WDFY4: variants seen among roughly 807,000 people sequenced by gnomAD.
The protein encoded by WDFY4 is WDFY family member 4, also known as WD repeat- and FYVE domain-containing protein 4.
In WDFY4, 169 loss-of-function variants were observed where a neutral mutation model predicts 351.9. That is an observed-to-expected ratio of 0.48 (90% confidence interval 0.42 to 0.55). The LOEUF (loss-of-function observed/expected upper bound fraction) is 0.55, where lower values mean the gene tolerates loss of function less well. Ranked by LOEUF, WDFY4 falls within the 20% of genes least tolerant of loss-of-function variation. The probability of loss-of-function intolerance (pLI) is 0.00; values close to 1 mark genes in which losing one functional copy is unlikely to be tolerated. For synonymous variants in WDFY4, 1,622 were observed against 1,574.6 expected, an observed-to-expected ratio of 1.03 and a Z score of -0.71; for missense variants, 3,803 against 3,935.6, an observed-to-expected ratio of 0.97 and a Z score of 0.90.
chr10:48,854,352 G>A (rs1038943853), intron 39 of WDFY4, among the ~76,000 whole-genome samples: 12 of 152,076 alleles, frequency 7.9e-5, no homozygotes, highest in East Asian at 1.9e-4. Context: ...CCAGCGATCC[G>A]CCCACCTCGG....
intron 1 of WDFY4, among the ~76,000 whole-genome samples, chr10:48,706,428 G>A (rs945115303): frequency 1.9e-4 from 29 of 152,156 alleles, no homozygotes; most frequent in Admixed American, 1.7e-3. Context: ...AGCTCTGCAG[G>A]AGACCGAGCC....
At chr10:48,919,721 C>A (rs957671316) in intron 47 of WDFY4, among the ~76,000 whole-genome samples, 1 of 152,202 alleles carries the variant, frequency 6.6e-6, no homozygotes, top group African/African-American at 2.4e-5. Context: ...GAAGTCTCCA[C>A]CCTCAAGATC....
chr10:48,934,995 C>T (rs1840265977), intron 47 of WDFY4, among the ~76,000 whole-genome samples: 1 of 152,172 alleles, frequency 6.6e-6, no homozygotes, highest in Non-Finnish European at 1.5e-5. Flanking sequence ...GCTTCCTCCT[C>T]TCCTAAATAA....
chr10:48,960,970 G>T (rs538347017), intron 53 of WDFY4, among the ~76,000 whole-genome samples: 28 of 152,336 alleles, frequency 1.8e-4, no homozygotes, highest in African/African-American at 6.7e-4. Context: ...TTTTTGAGCC[G>T]AGGGAAACGT....
intron 39 of WDFY4, among the ~76,000 whole-genome samples, chr10:48,860,292 C>T (rs928490349): frequency 2.0e-5 from 3 of 152,188 alleles, no homozygotes; most frequent in East Asian, 3.8e-4. Flanking sequence ...TCAGCTCAGG[C>T]TGCTATTACA....
chr10:48,776,586 C>G (rs1008491166), intron 15 of WDFY4, among the ~76,000 whole-genome samples, 164 bp from the exon 16 acceptor site: 4 of 152,186 alleles, frequency 2.6e-5, no homozygotes, highest in African/African-American at 9.7e-5. Flanking sequence ...GCAGGGGGCC[C>G]GGGCTGGGGG....
chr10:48,727,693 G>A, intron 7 of WDFY4, 34 bp downstream of exon 7: 1 of 1,548,452 alleles, frequency 6.5e-7, no homozygotes, highest in Non-Finnish European at 8.7e-7. Context: ...GGAGAGCACA[G>A]GACCACCAAA....
intron 47 of WDFY4, among the ~76,000 whole-genome samples, chr10:48,926,626 C>T (rs532958994): frequency 6.6e-5 from 10 of 152,270 alleles, no homozygotes; most frequent in African/African-American, 2.2e-4. Flanking sequence ...ACTCCACTGT[C>T]CAGGGGCCAA....
At chr10:48,718,274 G>A (rs955133562) in intron 2 of WDFY4, among the ~76,000 whole-genome samples, 18 of 151,954 alleles carry the variant, frequency 1.2e-4, no homozygotes, top group South Asian at 8.3e-4. Flanking sequence ...TCAGTGGCAC[G>A]CATTGTGAAT....
At chr10:48,727,707 T>G in intron 7 of WDFY4, 48 bp downstream of exon 7, 1 of 1,540,448 alleles carries the variant, frequency 6.5e-7, no homozygotes, top group Middle Eastern at 1.7e-4. Context: ...CACCAAAGCC[T>G]TAGTCCTCAG....
intron 45 of WDFY4, 29 bp from the exon 46 acceptor site, chr10:48,900,192 G>A: frequency 1.3e-6 from 2 of 1,544,260 alleles, no homozygotes; most frequent in Non-Finnish European, 1.7e-6. Flanking sequence ...CAAAATATCA[G>A]GAGCATTAAA....
At chr10:48,842,135 G>A (rs989002890) in intron 39 of WDFY4, among the ~76,000 whole-genome samples, 1 of 151,902 alleles carries the variant, frequency 6.6e-6, no homozygotes, top group African/African-American at 2.4e-5. Flanking sequence ...AGTTTTGTGT[G>A]GAGAAGATTT....
intron 24 of WDFY4, among the ~76,000 whole-genome samples, chr10:48,801,870 T>C (rs939415398): frequency 1.3e-5 from 2 of 152,124 alleles, no homozygotes; most frequent in Non-Finnish European, 2.9e-5. Context: ...AGCAAAGTCA[T>C]GGGTAACTGC....
intron 13 of WDFY4, among the ~76,000 whole-genome samples, chr10:48,766,140 TA>T (rs149370941): frequency 0.12 from 18,100 of 152,242 alleles, 1,398 homozygotes; most frequent in East Asian, 0.39. Flanking sequence ...CTTGCTTTGT[TA>T]AATTATAACA....
intron 1 of WDFY4, among the ~76,000 whole-genome samples, chr10:48,699,669 G>T (rs1037254240): frequency 1.3e-5 from 2 of 152,192 alleles, no homozygotes; most frequent in East Asian, 3.9e-4. Flanking sequence ...AGTGCAGCTG[G>T]CCTGCCACAC....
At position 48,872,257 on chromosome 10, in the gene WDFY4, A is replaced by G. The variant is rs534366009; in HGVS notation, c.6742-1234A>G. On this transcript the variant is annotated intron_variant, in intron 40 of 61. Transcript: ENST00000325239. The stretch of plus-strand genomic sequence containing the variant: ...TTCCAGTTTTTTGAAATGCTAGCAG[A>G]TATCATGCACTCATAAAATAATAGC... Among the ~76,000 whole-genome samples the G allele has an allele frequency of 2.6e-5, 4 of 152,368 alleles. No individual in the cohort carries two copies. The South Asian group carries it at 8.3e-4, about 32-fold the overall frequency.
Position 48,873,826 on chromosome 10 carries a change from G to A in WDFY4, c.6948+129G>A, listed in dbSNP as rs545107038. The A allele has an allele frequency of 2.0e-5, 21 of 1,050,764 alleles. No homozygotes were observed. The African/African-American group carries it at 3.1e-4, about 15-fold the overall frequency. 65.1% of individuals were successfully genotyped at this position (1,050,764 alleles called of 1,614,324 possible). A position where few individuals can be genotyped will look rare whatever the true frequency, so the allele number is the denominator to read the frequency against. On this transcript the variant is annotated intron_variant, in intron 41 of 61. Coordinates refer to ENST00000325239, the MANE Select transcript of WDFY4 (RefSeq NM_001394531.1). ...AACACATGCAGTTAAATGTAGGAGA[G>A]TCCCAAAATTTATTCTCAATGCCAT...
In WDFY4 at chr10:48,895,523, A is replaced by G. The variant is rs77666826; in HGVS notation, c.7317-1931A>G. Among the ~76,000 whole-genome samples, 1,126 of 152,322 alleles carry G rather than the reference A, an allele frequency of 7.4e-3. 21 individuals are homozygous for G. The highest frequency in any genetic ancestry group is 0.026 in the African/African-American group (1,081 of 41,564). ...GAGGCCTTCGTTTCTTAGTCCTGGC[A>G]TCTTATCAGAATGGCTGTGGTTGTA... On this transcript the variant is annotated intron_variant, in intron 44 of 61. Coordinates refer to ENST00000325239, the MANE Select transcript of WDFY4 (RefSeq NM_001394531.1).
In WDFY4 at chr10:48,925,899, G is replaced by A. The variant is rs138535403; in HGVS notation, c.7587-15907G>A. ...CCTTCATGTATGTCTAATCTCCAGA[G>A]AAACTAAGCAAAATATCTTATAGTA... On this transcript the variant is annotated intron_variant, in intron 47 of 61. Coordinates refer to ENST00000325239, the MANE Select transcript of WDFY4 (RefSeq NM_001394531.1). 5.3e-4 allele frequency among the ~76,000 whole-genome samples: 80 copies of A among 152,252 alleles called. 1 individual carries two copies. The highest frequency in any genetic ancestry group is 1.8e-3 in the African/African-American group (76 of 41,528).
Sources: allele counts gnomAD v4.1 joint callset (sites outside exome capture counted in the v4.1 genomes callset), GRCh38; gene constraint gnomAD v4.1.1; transcripts MANE v1.5; gene names NCBI Gene and HGNC (gene_info 2026-07-23, HGNC 2026-07-21).